EXOC4: variants seen among roughly 807,000 people sequenced by gnomAD.
The protein encoded by EXOC4 is exocyst complex component 4.
In EXOC4, 71 loss-of-function variants were observed where a neutral mutation model predicts 107.2. The observed-to-expected ratio is 0.66, with a 90% CI of 0.55 to 0.81. The LOEUF (loss-of-function observed/expected upper bound fraction) is 0.81. Among genes scored for constraint, EXOC4 ranks in the 30% least tolerant of loss-of-function variants. The pLI is 0.00. For missense variants in EXOC4, 1,108 were observed against 1,189.6 expected, an observed-to-expected ratio of 0.93 and a Z score of 1.01; for synonymous variants, 456 against 441.2, an observed-to-expected ratio of 1.03 and a Z score of -0.42.
intron 10 of EXOC4, among the ~76,000 whole-genome samples, chr7:133,760,457 C>T (rs1463855149): frequency 6.6e-6 from 1 of 152,124 alleles, no homozygotes; most frequent in Non-Finnish European, 1.5e-5. Flanking sequence ...TATAAAATCA[C>T]TGGCTATAAA....
intron 15 of EXOC4, among the ~76,000 whole-genome samples, 155 bp downstream of exon 15, chr7:133,997,788 ATTAT>A (rs370224533): frequency 1.4e-4 from 22 of 152,242 alleles, no homozygotes; most frequent in African/African-American, 5.3e-4. Flanking sequence ...GTATTCAGTG[ATTAT>A]TTGAGCGCAC....
intron 10 of EXOC4, among the ~76,000 whole-genome samples, chr7:133,663,766 G>A (rs1793750793): frequency 6.6e-6 from 1 of 152,120 alleles, no homozygotes; most frequent in Admixed American, 6.6e-5. Context: ...TCTCTTGCCT[G>A]GATTAGGCTT....
At chr7:133,821,242 C>T (rs1346286792) in intron 11 of EXOC4, among the ~76,000 whole-genome samples, 1 of 152,162 alleles carries the variant, frequency 6.6e-6, no homozygotes. Context: ...TGTATGGCAA[C>T]TCTGAGTGGT....
intron 15 of EXOC4, among the ~76,000 whole-genome samples, chr7:134,000,730 G>A (rs1345073401): frequency 2.0e-5 from 3 of 152,076 alleles, no homozygotes; most frequent in Admixed American, 2.0e-4. Flanking sequence ...ACGTAGGCCC[G>A]GTTGTCCAGG....
chr7:134,057,538 C>T (rs1432084793), intron 17 of EXOC4, among the ~76,000 whole-genome samples: 1 of 152,116 alleles, frequency 6.6e-6, no homozygotes, highest in East Asian at 1.9e-4. Flanking sequence ...ACTTTAAGCT[C>T]TTCGAAGGGG....
chr7:133,607,690 T>C (rs961485704), intron 9 of EXOC4, among the ~76,000 whole-genome samples: 1 of 152,200 alleles, frequency 6.6e-6, no homozygotes, highest in Admixed American at 6.6e-5. Context: ...TCTCTCGTGC[T>C]TTAAGAAGAT....
intron 17 of EXOC4, among the ~76,000 whole-genome samples, chr7:134,012,025 A>G (rs114360002): frequency 0.017 from 2,630 of 152,268 alleles, 93 homozygotes; most frequent in African/African-American, 0.06. Flanking sequence ...TGAAGAACAG[A>G]GCAGAAAGGC....
intron 10 of EXOC4, among the ~76,000 whole-genome samples, chr7:133,729,673 C>G (rs1795285474): frequency 6.6e-6 from 1 of 152,070 alleles, no homozygotes; most frequent in African/African-American, 2.4e-5. Flanking sequence ...TAAGACTTCT[C>G]AAGCTTTCTT....
At chr7:133,270,658 G>C (rs1584765168) in intron 1 of EXOC4, among the ~76,000 whole-genome samples, 1 of 152,250 alleles carries the variant, frequency 6.6e-6, no homozygotes, top group East Asian at 1.9e-4. Context: ...TTAATGGAAG[G>C]CTTTATAATA....
chr7:133,959,337 T>C (rs1800887695), intron 14 of EXOC4, among the ~76,000 whole-genome samples: 2 of 151,518 alleles, frequency 1.3e-5, no homozygotes, highest in South Asian at 4.2e-4. Flanking sequence ...GAAACAAGAG[T>C]AGTATAGTAT....
rs1796140021 is a variant in EXOC4, at chr7:134,064,415, G to T, written c.2812G>T (p.Gly938Trp). 1 of 1,607,456 alleles carries T rather than the reference G, an allele frequency of 6.2e-7. No individual in the cohort carries two copies. The highest frequency in any genetic ancestry group is 8.5e-7 in the Non-Finnish European group (1 of 1,176,550). ...GACCCTGCTGCACCGCAGCCAGACT[G>T]GGGTGGGGGAACTGACCACCCAGAA... ...ALTLLHRSQT[G>W]VGELTTQNTR... Residue 938 changes from glycine (G) to tryptophan (W), a missense_variant, in exon 18 of 18, where the codon GGG becomes TGG. Coordinates refer to ENST00000253861, the MANE Select transcript of EXOC4 (RefSeq NM_021807.4).
At chr7:133,336,465 C>A (rs1020694649) in intron 5 of EXOC4, among the ~76,000 whole-genome samples, 1 of 152,162 alleles carries the variant, frequency 6.6e-6, no homozygotes, top group African/African-American at 2.4e-5. Context: ...ACCACCAGTA[C>A]ATCACAGTGC....
intron 17 of EXOC4, among the ~76,000 whole-genome samples, chr7:134,050,774 A>G (rs1208532745): frequency 1.3e-5 from 2 of 152,220 alleles, no homozygotes; most frequent in African/African-American, 4.8e-5. Flanking sequence ...TTGGATGTCA[A>G]TGTTGAAAGT....
At chr7:133,351,698 TA>T (rs1457921765) in intron 5 of EXOC4, among the ~76,000 whole-genome samples, 22 of 151,942 alleles carry the variant, frequency 1.4e-4, no homozygotes. Flanking sequence ...CTCTAATCTT[TA>T]TATTTACTTT....
At chr7:133,971,361 T>TATATATATATATAGAGAGAG (rs1489958236) in intron 14 of EXOC4, among the ~76,000 whole-genome samples, 5 of 75,076 alleles carry the variant, frequency 6.7e-5, no homozygotes, top group African/African-American at 2.4e-4. Context: ...TATATATATA[T>TATATATATATATAGAGAGAG]AGAGAGAGAG....
At chr7:133,521,505 A>G (rs1276619416) in intron 9 of EXOC4, among the ~76,000 whole-genome samples, 1 of 152,100 alleles carries the variant, frequency 6.6e-6, no homozygotes, top group Non-Finnish European at 1.5e-5. Flanking sequence ...TTCTCCCCCA[A>G]TGTATTTTAG....
intron 12 of EXOC4, among the ~76,000 whole-genome samples, chr7:133,904,996 G>A (rs1799535166): frequency 6.6e-6 from 1 of 152,160 alleles, no homozygotes; most frequent in South Asian, 2.1e-4. Flanking sequence ...TTCTAGTTTT[G>A]CTGCCAGCAA....
chr7:134,090,433 C>A, the EXOC4 span, among the ~76,000 whole-genome samples: 1 of 152,316 alleles, frequency 6.6e-6, no homozygotes, highest in East Asian at 1.9e-4. Flanking sequence ...CAGAACAATA[C>A]AGAAAAATGC....
chr7:133,441,693 G>A (rs1468698830), intron 7 of EXOC4, among the ~76,000 whole-genome samples: 1 of 152,068 alleles, frequency 6.6e-6, no homozygotes, highest in Non-Finnish European at 1.5e-5. Flanking sequence ...GTGTGCCACC[G>A]TGCTCCGCCT....
Sources: allele counts gnomAD v4.1 joint callset (sites outside exome capture counted in the v4.1 genomes callset), GRCh38; gene constraint gnomAD v4.1.1; transcripts MANE v1.5; gene names NCBI Gene and HGNC (gene_info 2026-07-23, HGNC 2026-07-21).